Variants in EEF1AKMT1 observed in about 807,000 individuals in gnomAD.
EEF1AKMT1 encodes the protein EEF1A lysine methyltransferase 1, also known as N-6 adenine-specific DNA methyltransferase 2 (putative).
In EEF1AKMT1, 18 loss-of-function variants were observed where a neutral mutation model predicts 21.0. That is an observed-to-expected ratio of 0.86 (90% confidence interval 0.59 to 1.27). The LOEUF (loss-of-function observed/expected upper bound fraction) is 1.27, where lower values mean the gene tolerates loss of function less well. EEF1AKMT1 is among the 50% of genes most tolerant of loss of function. The pLI is 0.00. For missense variants in EEF1AKMT1, 246 were observed against 258.6 expected, an observed-to-expected ratio of 0.95 and a Z score of 0.33; for synonymous variants, 109 against 94.8, an observed-to-expected ratio of 1.15 and a Z score of -0.87.
At chr13:20,750,426 A>T (rs1030577242) in intron 2 of EEF1AKMT1, among the ~76,000 whole-genome samples, 3 of 152,134 alleles carry the variant, frequency 2.0e-5, no homozygotes, top group African/African-American at 7.2e-5. Flanking sequence ...TAGCCTTCGC[A>T]TATAAGAACA....
chr13:20,767,502 T>C (rs769296568), intron 1 of EEF1AKMT1, among the ~76,000 whole-genome samples: 58 of 152,208 alleles, frequency 3.8e-4, no homozygotes, highest in Non-Finnish European at 6.0e-4. Flanking sequence ...ATTTTAAAGA[T>C]AGTCCTCCAC....
intron 1 of EEF1AKMT1, among the ~76,000 whole-genome samples, chr13:20,771,834 A>T (rs1252947887): frequency 6.6e-6 from 1 of 152,128 alleles, no homozygotes; most frequent in Non-Finnish European, 1.5e-5. Context: ...AACATGGTGA[A>T]ACCCTGTCTC....
Position 20,731,841 on chromosome 13 carries a change from C to T in EEF1AKMT1, c.508G>A (p.Gly170Ser), listed in dbSNP as rs1284294447. ...LTRGKILLCTGAIMEEQAAEL... is the reference protein window; with the variant it reads ...LTRGKILLCTSAIMEEQAAEL... ...ATGAGATATGAAATGCAGCACCTAC[C>T]TGTGCACAGCAGAATCTTGCCCCGC... Residue 170 changes from glycine to serine, a missense_variant and splice_region_variant, in exon 4 of 5, where the codon GGT becomes AGT. Coordinates refer to ENST00000382758, the MANE Select transcript of EEF1AKMT1 (RefSeq NM_001318939.2). The T allele has an allele frequency of 6.2e-7, 1 of 1,611,760 alleles. No individual in the cohort carries two copies. Among genetic ancestry groups the T allele is most frequent in the African/African-American group, 1.3e-5 (1 of 75,020 alleles).
At chr13:20,746,318 AT>A (rs1377320874) in intron 2 of EEF1AKMT1, among the ~76,000 whole-genome samples, 1 of 151,946 alleles carries the variant, frequency 6.6e-6, no homozygotes, top group Non-Finnish European at 1.5e-5. Flanking sequence ...ACACCTGGCT[AT>A]TTTTTGTATT....
rs34574835 is a variant in EEF1AKMT1 at position 20,764,880 on chromosome 13, AACACACAC to A, written c.-19-7271_-19-7264del. 1.4e-3 allele frequency among the ~76,000 whole-genome samples: 197 copies of A among 139,876 alleles called. 2 individuals carry two copies. The South Asian group carries it at 0.017, about 12-fold the overall frequency. The allele number at this position is 139,876 out of a possible 152,430, so 91.8% of individuals were successfully genotyped here. On this transcript the variant is annotated intron_variant, in intron 1 of 4. Coordinates refer to ENST00000382758, the MANE Select transcript of EEF1AKMT1 (RefSeq NM_001318939.2). ...ATATTTTCCCCTTCCTTTCACTTTC[AACACACAC>A]ACACACACACACACACACACACACA...
At chr13:20,739,923 A>C (rs1416657880) in intron 2 of EEF1AKMT1, among the ~76,000 whole-genome samples, 1 of 152,230 alleles carries the variant, frequency 6.6e-6, no homozygotes, top group Non-Finnish European at 1.5e-5. Flanking sequence ...GTCCCATGCC[A>C]TGTGCCAGTG....
intron 2 of EEF1AKMT1, among the ~76,000 whole-genome samples, chr13:20,748,715 G>GGTTTTTTGTTTTTTT (rs1555326495): frequency 9.5e-6 from 1 of 105,810 alleles, no homozygotes; most frequent in African/African-American, 3.7e-5. Context: ...ATGTATAGTT[G>GGTTTTTTGTTTTTTT]TTTTTTTTTG....
chr13:20,758,811 T>TA (rs2058984454), intron 1 of EEF1AKMT1, among the ~76,000 whole-genome samples: 1 of 151,858 alleles, frequency 6.6e-6, no homozygotes, highest in Admixed American at 6.6e-5. Flanking sequence ...ATGGTACAGA[T>TA]AAAAAAACAG....
chr13:20,737,808 G>A lies in EEF1AKMT1; in HGVS notation c.145-3C>T. On this transcript the variant is annotated splice_region_variant and splice_polypyrimidine_tract_variant and intron_variant, in intron 2 of 4. Coordinates refer to ENST00000382758, the MANE Select transcript of EEF1AKMT1 (RefSeq NM_001318939.2). ...CTATACCAAAACTGGCTCAGTTGCT[G>A]TAACCGAGAAATAGGTTGATAGCAT... 1 of 1,609,420 alleles carries A rather than the reference G, an allele frequency of 6.2e-7. No individual in the cohort carries two copies. The highest frequency in any genetic ancestry group is 8.5e-7 in the Non-Finnish European group (1 of 1,177,322).
chr13:20,735,183 C>T (rs1398885746), intron 3 of EEF1AKMT1, among the ~76,000 whole-genome samples: 10 of 152,182 alleles, frequency 6.6e-5, no homozygotes, highest in Admixed American at 6.5e-4. Context: ...CACGTGGTGG[C>T]ATACCCGAGG....
chr13:20,761,922 C>T (rs1039437655), intron 1 of EEF1AKMT1, among the ~76,000 whole-genome samples: 7 of 152,056 alleles, frequency 4.6e-5, no homozygotes, highest in African/African-American at 1.7e-4. Context: ...TACAGTGAGA[C>T]CTTGTCTCTA....
intron 2 of EEF1AKMT1, among the ~76,000 whole-genome samples, chr13:20,739,348 G>A (rs775414352): frequency 3.9e-5 from 6 of 152,164 alleles, no homozygotes; most frequent in African/African-American, 7.2e-5. Flanking sequence ...ACCCAAGAGG[G>A]TTGCCGCCGC....
intron 2 of EEF1AKMT1, among the ~76,000 whole-genome samples, chr13:20,740,413 G>A (rs904102013): frequency 1.3e-5 from 2 of 152,262 alleles, no homozygotes; most frequent in Non-Finnish European, 2.9e-5. Context: ...CCTCAACAGT[G>A]GCCAGAGTGG....
chr13:20,747,954 C>T (rs2058916553), intron 2 of EEF1AKMT1: 2 of 229,328 alleles, frequency 8.7e-6, no homozygotes, highest in Non-Finnish European at 1.7e-5. Context: ...CTATGTACGT[C>T]TCAAATTCAC....
In EEF1AKMT1 at chr13:20,757,624, A is replaced by T; in HGVS notation, c.-19-7T>A. On this transcript the variant is annotated splice_polypyrimidine_tract_variant and splice_region_variant and intron_variant, in intron 1 of 4. Transcript: ENST00000382758. Reference sequence around the variant, plus strand: ...TTCACAAGTTGTTTATAACCTGCAGATCAAGAAATAAATGTTCTGTGCAGA... The same window carrying T: ...TTCACAAGTTGTTTATAACCTGCAGTTCAAGAAATAAATGTTCTGTGCAGA... The T allele has an allele frequency of 2.5e-6, 4 of 1,605,154 alleles. No homozygotes were observed. Among genetic ancestry groups the T allele is most frequent in the Non-Finnish European group, 3.4e-6 (4 of 1,173,732 alleles).
chr13:20,758,444 C>T (rs570135853), intron 1 of EEF1AKMT1, among the ~76,000 whole-genome samples: 5 of 152,170 alleles, frequency 3.3e-5, no homozygotes, highest in African/African-American at 1.2e-4. Context: ...CTTATGTCTC[C>T]TTAAAATATA....
At chr13:20,767,501 A>G (rs1485552867) in intron 1 of EEF1AKMT1, among the ~76,000 whole-genome samples, 1 of 152,066 alleles carries the variant, frequency 6.6e-6, no homozygotes, top group Non-Finnish European at 1.5e-5. Context: ...TATTTTAAAG[A>G]TAGTCCTCCA....
At chr13:20,757,409 G>T in intron 2 of EEF1AKMT1, 46 bp downstream of exon 2, 1 of 1,605,908 alleles carries the variant, frequency 6.2e-7, no homozygotes, top group Non-Finnish European at 8.5e-7. Context: ...CACAGAGTAG[G>T]TTCCACATCA....
intron 1 of EEF1AKMT1, among the ~76,000 whole-genome samples, chr13:20,762,539 T>G (rs2059006464): frequency 6.6e-6 from 1 of 151,944 alleles, no homozygotes; most frequent in African/African-American, 2.4e-5. Flanking sequence ...ATCCTACACT[T>G]GTCCCAGATT....
Sources: allele counts gnomAD v4.1 joint callset (sites outside exome capture counted in the v4.1 genomes callset), GRCh38; gene constraint gnomAD v4.1.1; transcripts MANE v1.5; gene names NCBI Gene and HGNC (gene_info 2026-07-23, HGNC 2026-07-21).